Variants in NUP54 observed in about 807,000 individuals in gnomAD.
NUP54 encodes nucleoporin p54.
In NUP54, 27 loss-of-function variants were observed where a neutral mutation model predicts 66.4. The observed-to-expected ratio is 0.41, with a 90% CI of 0.30 to 0.56. The LOEUF (loss-of-function observed/expected upper bound fraction) is 0.56, where lower values mean the gene tolerates loss of function less well. Ranked by LOEUF, NUP54 falls within the 20% of genes least tolerant of loss-of-function variation. NUP54 has a pLI of 0.34. For synonymous variants in NUP54, 206 were observed against 210.7 expected (o/e 0.98, Z 0.19); for missense variants, 486 against 596.3 (o/e 0.82, Z 1.93).
At chr4:76,134,726 C>T (rs1023722830) in intron 4 of NUP54, among the ~76,000 whole-genome samples, 1 of 114,070 alleles carries the variant, frequency 8.8e-6, no homozygotes, top group Non-Finnish European at 1.7e-5. Context: ...ATTTATTTCA[C>T]TATACAGATT....
At chr4:76,128,810 G>A (rs1730653670) in intron 8 of NUP54, among the ~76,000 whole-genome samples, 3 of 152,194 alleles carry the variant, frequency 2.0e-5, no homozygotes, top group Non-Finnish European at 2.9e-5. Context: ...AAGACATTTT[G>A]TTAAGTGAAA....
chr4:76,120,890 ATC>A (rs1477798967), intron 9 of NUP54, among the ~76,000 whole-genome samples: 1 of 152,154 alleles, frequency 6.6e-6, no homozygotes, highest in Non-Finnish European at 1.5e-5. Flanking sequence ...AAATTATAGG[ATC>A]TCTTTGTATA....
At chr4:76,137,359 C>T (rs1007370958) in intron 3 of NUP54, among the ~76,000 whole-genome samples, 1 of 151,906 alleles carries the variant, frequency 6.6e-6, no homozygotes, top group Non-Finnish European at 1.5e-5. Flanking sequence ...CAATATTAAA[C>T]CTACACATGA....
intron 9 of NUP54, among the ~76,000 whole-genome samples, chr4:76,119,774 C>A (rs1396092068): frequency 6.6e-6 from 1 of 152,088 alleles, no homozygotes. Flanking sequence ...ACTCTCCAAG[C>A]CCAGCTTACT....
rs1247733121 is a variant in NUP54, at chr4:76,117,659, C to T, written c.1395+5G>A. On this transcript the variant is annotated splice_donor_5th_base_variant and intron_variant, in intron 11 of 11. Coordinates refer to ENST00000264883, the MANE Select transcript of NUP54 (RefSeq NM_017426.4). ...TTAAATAATGCAGCCTCATGCAACA[C>T]TTACCTGCTTGATTTCTCGTAACAG... is the stretch of plus-strand genomic sequence containing the variant. 3 of 1,583,018 alleles carry T rather than the reference C, an allele frequency of 1.9e-6. No homozygotes were observed. Among genetic ancestry groups the T allele is most frequent in the East Asian group, 4.5e-5 (2 of 44,718 alleles).
chr4:76,145,180 T>C (rs1233079313), intron 1 of NUP54, among the ~76,000 whole-genome samples: 1 of 151,734 alleles, frequency 6.6e-6, no homozygotes, highest in African/African-American at 2.4e-5. Flanking sequence ...TAGCCGGGCG[T>C]GGCGGCGGGC....
chr4:76,144,292 C>G lies in NUP54; in HGVS notation c.152G>C (p.Gly51Ala). The change falls in exon 3 of 12, where the codon GGA becomes GCA. Residue 51 changes from glycine (G) to alanine (A), a missense_variant and splice_region_variant. Physicochemically the swap from Gly to Ala is moderately conservative, Grantham distance 60 (BLOSUM62 0). Transcript: ENST00000264883. ...FSAPTNTGTT[G>A]LFGGTQNKGF... is the part of the protein sequence containing the mutation. ...TTTGTTCTGAGTACCACCAAAGAGTCCTTTGAATGAAAAATTGGAACTTCG... is the reference window on the plus strand; with the variant it reads ...TTTGTTCTGAGTACCACCAAAGAGTGCTTTGAATGAAAAATTGGAACTTCG... 6.3e-7 allele frequency: 1 copy of G among 1,599,316 alleles called. No individual in the cohort carries two copies. The highest frequency in any genetic ancestry group is 8.5e-7 in the Non-Finnish European group (1 of 1,176,250).
intron 9 of NUP54, among the ~76,000 whole-genome samples, chr4:76,120,865 T>C (rs1404017488): frequency 6.6e-6 from 1 of 152,238 alleles, no homozygotes; most frequent in African/African-American, 2.4e-5. Context: ...CAAATTTCAA[T>C]TGGGTTTTAC....
chr4:76,116,211 C>G (rs576036503), intron 11 of NUP54, among the ~76,000 whole-genome samples: 16 of 152,130 alleles, frequency 1.1e-4, no homozygotes, highest in Non-Finnish European at 2.4e-4. Context: ...TTTCAATATA[C>G]TGGAACCTGT....
intron 3 of NUP54, among the ~76,000 whole-genome samples, chr4:76,138,164 CA>C (rs377668788): frequency 0.015 from 2,285 of 152,282 alleles, 27 homozygotes; most frequent in Non-Finnish European, 0.023. Context: ...TAAACATTGG[CA>C]AGAACTGGAC....
rs1020473349 is a variant in NUP54 at position 76,134,338 on chromosome 4, T to C, written c.547A>G (p.Ser183Gly). Residue 183 changes from serine (S) to glycine (G), a missense_variant, in exon 5 of 12, where the codon AGT (serine) becomes GGT (glycine). By Grantham distance (56) the Ser-to-Gly change is moderately conservative. Transcript: ENST00000264883. ...FKAVGYSCMP[S>G]NKDEDGLVVL... ...ACTAGCCCATCTTCATCTTTATTACTGGGCATGCAACTATAACCTACTGCC... is the reference window on the plus strand; with the variant it reads ...ACTAGCCCATCTTCATCTTTATTACCGGGCATGCAACTATAACCTACTGCC... The C allele has an allele frequency of 1.9e-6, 3 of 1,613,562 alleles. No homozygotes were observed. Among genetic ancestry groups the C allele is most frequent in the Middle Eastern group, 1.7e-4 (1 of 6,056 alleles).
Position 76,115,405 on chromosome 4 carries a change from C to T in NUP54, c.1485G>A (p.Leu495=). ...CACCTCTGATGTGGATGGTTTCATT[C>T]AATCCATGTTCGACCAGCTTTATAT... The part of the protein sequence containing the change: ...LEDIKLVEHG[L]NETIHIRGGV... Residue 495 remains leucine, a synonymous_variant, in exon 12 of 12, where the codon TTG becomes TTA. Transcript: ENST00000264883. The T allele has an allele frequency of 6.2e-7, 1 of 1,610,170 alleles. No individual in the cohort carries two copies. The highest frequency in any genetic ancestry group is 1.7e-5 in the Admixed American group (1 of 59,294).
Position 76,130,717 on chromosome 4 carries a change from TC to T in NUP54, c.994del (p.Glu332AsnfsTer6). On this transcript the variant is annotated frameshift_variant, in exon 8 of 12. Coordinates refer to ENST00000264883, the MANE Select transcript of NUP54 (RefSeq NM_017426.4). LOFTEE classifies it high-confidence loss of function. ...LIPVPMVGFK[E>X]LLRRLKVQDQ... ...TTGAACCTTCAGTCTTCGGAGAAGT[TC>T]CTTAAAACCCACCATTGGTACAGGA... 1.2e-6 allele frequency: 2 copies of T among 1,613,618 alleles called. No individual in the cohort carries two copies. Among genetic ancestry groups the T allele is most frequent in the Non-Finnish European group, 1.7e-6 (2 of 1,179,720 alleles).
In NUP54 at chr4:76,117,678, G is replaced by C. The variant is rs377634247; in HGVS notation, c.1381C>G (p.Arg461Gly). Residue 461 changes from arginine (R) to glycine (G), a missense_variant, in exon 11 of 12, where the codon CGA (arginine) becomes GGA (glycine). Transcript: ENST00000264883. ...ERYYIDADLL[R>G]EIKQHLKQQQ... ...GCAACACTTACCTGCTTGATTTCTC[G>C]TAACAGATCTGCATCTATGTAATAC... 2 of 1,609,006 alleles carry C rather than the reference G, an allele frequency of 1.2e-6. No homozygotes were observed. The highest frequency in any genetic ancestry group is 1.7e-5 in the Admixed American group (1 of 59,908).
At chr4:76,120,067 A>G (rs1010266975) in intron 9 of NUP54, among the ~76,000 whole-genome samples, 2 of 152,164 alleles carry the variant, frequency 1.3e-5, no homozygotes, top group Non-Finnish European at 2.9e-5. Flanking sequence ...ATAATCAATA[A>G]TTATTGTCTT....
rs1729879458 is a variant in NUP54 at position 76,114,847 on chromosome 4, GAACA to G, written c.*515_*518del. On this transcript the variant is annotated 3_prime_UTR_variant, in exon 12 of 12. Coordinates refer to ENST00000264883, the MANE Select transcript of NUP54 (RefSeq NM_017426.4). ...AAAAATACATTTTCATATCTTTATA[GAACA>G]AAAACAAAACATTAAATGCTTTTGG... is the stretch of plus-strand genomic sequence containing the variant. The G allele has an allele frequency of 6.6e-6, 1 of 151,986 alleles. No individual in the cohort carries two copies. Among genetic ancestry groups the G allele is most frequent in the Non-Finnish European group, 1.5e-5 (1 of 67,974 alleles). The allele number at this position is 151,986 out of a possible 1,614,324, so 9.4% of individuals were successfully genotyped here.
chr4:76,145,590 G>T, intron 1 of NUP54: 1 of 1,270,218 alleles, frequency 7.9e-7, no homozygotes, highest in Non-Finnish European at 1.0e-6. Flanking sequence ...TGAAGGAAGA[G>T]ATTTGACAGA....
chr4:76,123,502 C>A (rs1649914489), intron 9 of NUP54, among the ~76,000 whole-genome samples: 1 of 152,000 alleles, frequency 6.6e-6, no homozygotes, highest in African/African-American at 2.4e-5. Context: ...GTACATGCAG[C>A]ATCTTCTTTT....
chr4:76,146,707 T>C (rs780344091), intron 1 of NUP54, among the ~76,000 whole-genome samples: 1 of 152,224 alleles, frequency 6.6e-6, no homozygotes, highest in Non-Finnish European at 1.5e-5. Flanking sequence ...TGTCACTATG[T>C]AAAGTACCCA....
Sources: allele counts gnomAD v4.1 joint callset (sites outside exome capture counted in the v4.1 genomes callset), GRCh38; gene constraint gnomAD v4.1.1; transcripts MANE v1.5; gene names NCBI Gene and HGNC (gene_info 2026-07-23, HGNC 2026-07-21).